Variants in CD53 observed in about 807,000 individuals in gnomAD.
The protein encoded by CD53 is leukocyte surface antigen CD53.
Under a neutral mutation model 27.3 loss-of-function variants are expected in CD53, and 20 were observed. The ratio of observed to expected loss-of-function variants is 0.73; its 90% confidence interval spans 0.52 to 1.07. The LOEUF (loss-of-function observed/expected upper bound fraction) is 1.07. Ranked by LOEUF, CD53 falls within the 50% of genes least tolerant of loss-of-function variation. The pLI is 0.00. For missense variants in CD53, 216 were observed against 264.0 expected, an observed-to-expected ratio of 0.82 and a Z score of 1.26; for synonymous variants, 106 against 105.3, an observed-to-expected ratio of 1.01 and a Z score of -0.04.
intron 1 of CD53, among the ~76,000 whole-genome samples, chr1:110,874,646 G>A (rs371435619): frequency 6.6e-6 from 1 of 152,232 alleles, no homozygotes; most frequent in African/African-American, 2.4e-5. Context: ...GATGTTTCCT[G>A]TGTGGGCCAG....
At chr1:110,890,304 T>C (rs1038483386) in intron 1 of CD53, among the ~76,000 whole-genome samples, 2 of 152,172 alleles carry the variant, frequency 1.3e-5, no homozygotes, top group Non-Finnish European at 2.9e-5. Context: ...CGGTAGCTCA[T>C]GCCTGTAATC....
intron 1 of CD53, among the ~76,000 whole-genome samples, chr1:110,881,376 C>T (rs1288554438): frequency 1.3e-5 from 2 of 151,886 alleles, no homozygotes; most frequent in Non-Finnish European, 2.9e-5. Flanking sequence ...TTTATTTAAC[C>T]TCTTTCACTC....
In CD53 at chr1:110,899,117, T is replaced by C; in HGVS notation, c.589-7T>C. On this transcript the variant is annotated splice_region_variant and splice_polypyrimidine_tract_variant and intron_variant, in intron 7 of 7. Transcript: ENST00000271324. ...AAGACTTCAAATTTTCCCAACTCTTTTCACAGGTGTTGGGGATGTCCTTTG... is the reference window on the plus strand; with the variant it reads ...AAGACTTCAAATTTTCCCAACTCTTCTCACAGGTGTTGGGGATGTCCTTTG... The C allele has an allele frequency of 6.2e-7, 1 of 1,612,164 alleles. No individual in the cohort carries two copies. The highest frequency in any genetic ancestry group is 8.5e-7 in the Non-Finnish European group (1 of 1,178,438).
intron 1 of CD53, among the ~76,000 whole-genome samples, chr1:110,883,509 T>C (rs1280693615): frequency 1.3e-5 from 2 of 152,004 alleles, no homozygotes; most frequent in Admixed American, 6.5e-5. Context: ...CCCGTGGTTT[T>C]ATTTCTTGTA....
At chr1:110,886,869 A>ATATATATATATATATATATATATTTTTTT (rs1298376721) in intron 1 of CD53, among the ~76,000 whole-genome samples, 1 of 82,782 alleles carries the variant, frequency 1.2e-5, no homozygotes, top group Non-Finnish European at 2.2e-5. Flanking sequence ...ATATATATAT[A>ATATATATATATATATATATATATTTTTTT]TTTTTTTTTT....
chr1:110,896,924 AGAGACACTGT>A (rs1657090378), intron 6 of CD53, among the ~76,000 whole-genome samples, 191 bp downstream of exon 6: 1 of 152,240 alleles, frequency 6.6e-6, no homozygotes, highest in Admixed American at 6.5e-5. Context: ...CATTTAGACT[AGAGACACTGT>A]GATTGATCTT....
rs1657215482 is a variant in CD53 at position 110,899,518 on chromosome 1, T to A, written c.*323T>A. 3 of 220,236 alleles carry A rather than the reference T, an allele frequency of 1.4e-5. No homozygotes were observed. The highest frequency in any genetic ancestry group is 2.7e-5 in the Non-Finnish European group (3 of 109,846). 13.6% of individuals were successfully genotyped at this position (220,236 alleles called of 1,614,324 possible). On this transcript the variant is annotated 3_prime_UTR_variant, in exon 8 of 8. Transcript: ENST00000271324. Reference sequence around the variant, plus strand: ...TCAAAGGGTGAACCCAGGATATGAATTTTTGCATCTTCCCATTGTCGAATT... The same window carrying A: ...TCAAAGGGTGAACCCAGGATATGAAATTTTGCATCTTCCCATTGTCGAATT...
At chr1:110,895,103 A>T (rs772288278) in intron 5 of CD53, 48 bp downstream of exon 5, 1 of 1,383,266 alleles carries the variant, frequency 7.2e-7, no homozygotes, top group South Asian at 1.2e-5. Flanking sequence ...CTTCATTTTC[A>T]AGCCTAAATC....
At chr1:110,886,096 T>A (rs1352732881) in intron 1 of CD53, among the ~76,000 whole-genome samples, 2 of 152,182 alleles carry the variant, frequency 1.3e-5, no homozygotes, top group African/African-American at 4.8e-5. Context: ...GTCCTTTTTT[T>A]AAGTTATTAA....
chr1:110,877,358 A>C (rs1412321348), intron 1 of CD53, among the ~76,000 whole-genome samples: 2 of 152,204 alleles, frequency 1.3e-5, no homozygotes, highest in African/African-American at 2.4e-5. Flanking sequence ...GCCAGCCTGC[A>C]GACACCATGG....
At position 110,899,860 on chromosome 1, in the gene CD53, A is replaced by G. The variant is rs1657233416; in HGVS notation, c.*665A>G. The G allele has an allele frequency of 6.6e-6, 1 of 152,600 alleles. No individual in the cohort carries two copies. Among genetic ancestry groups the G allele is most frequent in the Admixed American group, 6.6e-5 (1 of 15,256 alleles). 9.5% of individuals were successfully genotyped at this position (152,600 alleles called of 1,614,324 possible). A position where few individuals can be genotyped will look rare whatever the true frequency, so the allele number is the denominator to read the frequency against. On this transcript the variant is annotated 3_prime_UTR_variant, in exon 8 of 8. Coordinates refer to ENST00000271324, the MANE Select transcript of CD53 (RefSeq NM_000560.4). ...AGAAGACTTCTGGTATTATCTCTCT[A>G]TCAGATAAGATTTTGTTAATGTACT...
intron 1 of CD53, among the ~76,000 whole-genome samples, chr1:110,884,447 T>C (rs965236357): frequency 7.9e-5 from 12 of 152,272 alleles, no homozygotes; most frequent in Admixed American, 7.2e-4. Context: ...TCTGCTGTTG[T>C]GGGGTGGAGT....
intron 1 of CD53, among the ~76,000 whole-genome samples, chr1:110,878,906 C>T (rs749676985): frequency 2.0e-5 from 3 of 152,170 alleles, no homozygotes; most frequent in Non-Finnish European, 4.4e-5. Flanking sequence ...GGAAGTCTTA[C>T]AGAAACTGTA....
intron 6 of CD53, 194 bp from the exon 7 acceptor site, chr1:110,897,615 A>C: frequency 2.1e-6 from 1 of 478,270 alleles, no homozygotes; most frequent in Non-Finnish European, 3.8e-6. Flanking sequence ...TGATAACACC[A>C]CCAGAAAAGT....
At chr1:110,893,295 G>C (rs1187373752) in intron 3 of CD53, among the ~76,000 whole-genome samples, 1 of 152,026 alleles carries the variant, frequency 6.6e-6, no homozygotes, top group Non-Finnish European at 1.5e-5. Context: ...TCAACATTTT[G>C]GTGGTGGTTT....
intron 5 of CD53, 86 bp downstream of exon 5, chr1:110,895,141 G>A (rs1657009539): frequency 1.0e-6 from 1 of 992,522 alleles, no homozygotes; most frequent in South Asian, 1.3e-5. Flanking sequence ...TTTTCTGGAA[G>A]TTTCAGAATC....
chr1:110,873,838 A>G (rs1263744570), intron 1 of CD53, among the ~76,000 whole-genome samples: 1 of 152,234 alleles, frequency 6.6e-6, no homozygotes, highest in African/African-American at 2.4e-5. Context: ...TAAAGGATGC[A>G]TAGATTGTTG....
intron 1 of CD53, among the ~76,000 whole-genome samples, chr1:110,887,021 A>T (rs187025274): frequency 4.8e-5 from 7 of 145,036 alleles, no homozygotes; most frequent in African/African-American, 1.3e-4. Context: ...TAGAAGTTTG[A>T]TTTGAGTCTT....
intron 4 of CD53, 130 bp downstream of exon 4, chr1:110,894,531 C>T: frequency 6.9e-6 from 5 of 728,524 alleles, no homozygotes; most frequent in Non-Finnish European, 1.2e-5. Context: ...ATAGAGGAAA[C>T]AGAGAGTAAT....
Sources: gnomAD v4.1 joint callset for allele counts (sites outside exome capture counted in the v4.1 genomes callset) on GRCh38, gnomAD v4.1.1 for gene constraint, MANE v1.5 for transcripts, NCBI Gene and HGNC (gene_info 2026-07-23, HGNC 2026-07-21) for gene names.